The following COL14A1 variants were observed in gnomAD, a reference collection of about 807,000 sequenced individuals.
COL14A1 encodes the protein collagen type XIV alpha 1 chain.
Under a neutral mutation model 230.3 loss-of-function variants are expected in COL14A1, and 136 were observed. That is an observed-to-expected ratio of 0.59 (90% CI 0.51 to 0.68). The LOEUF (loss-of-function observed/expected upper bound fraction) is 0.68. COL14A1 is among the 30% of genes least tolerant of loss of function. The pLI is 0.00. For missense variants in COL14A1, 1,976 were observed against 2,215.8 expected, an observed-to-expected ratio of 0.89 and a Z score of 2.17; for synonymous variants, 792 against 784.1, an observed-to-expected ratio of 1.01 and a Z score of -0.17.
intron 34 of COL14A1, among the ~76,000 whole-genome samples, chr8:120,294,560 A>G (rs1820467409): frequency 7.0e-6 from 1 of 142,474 alleles, no homozygotes; most frequent in African/African-American, 2.6e-5. Context: ...TTTGAGCCAC[A>G]CTATCTTGCA....
At chr8:120,231,924 C>G (rs182037320) in intron 19 of COL14A1, 2 of 273,310 alleles carry the variant, frequency 7.3e-6, no homozygotes, top group African/African-American at 4.3e-5. Context: ...AGGCCATATG[C>G]ACTTGTGTCT....
At position 120,262,575 on chromosome 8, in the gene COL14A1, C is replaced by T. The variant is rs140480512; in HGVS notation, c.2870-293C>T. Among the ~76,000 whole-genome samples, 58 of 152,288 alleles carry T rather than the reference C, an allele frequency of 3.8e-4. No homozygotes were observed. In the East Asian group the frequency reaches 0.011, roughly 29 times the overall value. On this transcript the variant is annotated intron_variant, in intron 23 of 47. Transcript: ENST00000297848. ...TCCAAAAGATCAGTTAGGATGTGTG[C>T]ATATAATTACATGCATTAATAGTTC...
intron 4 of COL14A1, among the ~76,000 whole-genome samples, chr8:120,164,862 T>C (rs148723361): frequency 6.6e-6 from 1 of 152,344 alleles, no homozygotes; most frequent in Admixed American, 6.5e-5. Flanking sequence ...AAGATTCATC[T>C]TTCTCTAGTC....
At chr8:120,268,065 G>A (rs1404618740) in intron 25 of COL14A1, among the ~76,000 whole-genome samples, 4 of 151,842 alleles carry the variant, frequency 2.6e-5, no homozygotes, top group East Asian at 3.9e-4. Flanking sequence ...ATAAACAGAG[G>A]CAATTAAGAA....
intron 31 of COL14A1, 46 bp downstream of exon 31, chr8:120,281,105 A>G (rs776068984): frequency 5.8e-6 from 9 of 1,543,954 alleles, no homozygotes; most frequent in South Asian, 1.2e-5. Flanking sequence ...TGTTTATTAT[A>G]TCTCACTGTG....
In COL14A1 at chr8:120,137,100, T is replaced by A. The variant is rs184367704; in HGVS notation, c.-37-10706T>A. 1.2e-4 allele frequency among the ~76,000 whole-genome samples: 19 copies of A among 152,250 alleles called. No homozygotes were observed. In the East Asian group the frequency reaches 3.7e-3, roughly 29 times the overall value. On this transcript the variant is annotated intron_variant, in intron 1 of 47. Coordinates refer to ENST00000297848, the MANE Select transcript of COL14A1 (RefSeq NM_021110.4). ...AGTGAAGCCATCTGGGACTGTAATTTTCCTTGTGGAAATATTTTTTAATAA... is the reference window on the plus strand; with the variant it reads ...AGTGAAGCCATCTGGGACTGTAATTATCCTTGTGGAAATATTTTTTAATAA...
intron 35 of COL14A1, among the ~76,000 whole-genome samples, chr8:120,299,277 A>G (rs1035058500): frequency 6.6e-6 from 1 of 152,072 alleles, no homozygotes; most frequent in South Asian, 2.1e-4. Flanking sequence ...CACAACATCT[A>G]TTGCAAGCAC....
intron 1 of COL14A1, among the ~76,000 whole-genome samples, chr8:120,134,010 TA>T (rs1475614051): frequency 6.6e-6 from 1 of 151,938 alleles, no homozygotes; most frequent in Non-Finnish European, 1.5e-5. Flanking sequence ...TAACAGGAAA[TA>T]AAACATATAT....
chr8:120,280,221 A>T, intron 29 of COL14A1, 122 bp downstream of exon 29: 4 of 1,127,374 alleles, frequency 3.5e-6, no homozygotes, highest in Non-Finnish European at 5.1e-6. Context: ...ACTGCTTGTT[A>T]TATAGACATT....
intron 14 of COL14A1, 144 bp from the exon 15 acceptor site, chr8:120,224,944 T>A (rs1462670217): frequency 1.7e-5 from 11 of 653,852 alleles, no homozygotes; most frequent in Non-Finnish European, 2.5e-5. Flanking sequence ...GAAATGTTCA[T>A]ACATAAACTG....
At chr8:120,144,010 A>G (rs1470407241) in intron 1 of COL14A1, among the ~76,000 whole-genome samples, 1 of 152,132 alleles carries the variant, frequency 6.6e-6, no homozygotes, top group Admixed American at 6.5e-5. Flanking sequence ...TTGAGTTGCA[A>G]TTAGGTAACT....
chr8:120,197,342 G>C (rs750799187), intron 6 of COL14A1, among the ~76,000 whole-genome samples: 1 of 151,928 alleles, frequency 6.6e-6, no homozygotes, highest in Non-Finnish European at 1.5e-5. Flanking sequence ...TTCTAGCCCA[G>C]ATAAGAAGCA....
chr8:120,315,643 A>G (rs566594057), intron 39 of COL14A1, 57 bp downstream of exon 39: 52 of 1,352,822 alleles, frequency 3.8e-5, no homozygotes, highest in Admixed American at 3.8e-4. Context: ...GCCAAGGGGG[A>G]AAAAAAAGCT....
At chr8:120,262,378 C>T (rs777986715) in intron 23 of COL14A1, among the ~76,000 whole-genome samples, 10 of 151,944 alleles carry the variant, frequency 6.6e-5, no homozygotes, top group African/African-American at 1.5e-4. Context: ...GAGGCTGAGG[C>T]AGGCGCATTG....
intron 40 of COL14A1, among the ~76,000 whole-genome samples, chr8:120,331,801 A>AT (rs1443863907): frequency 2.0e-5 from 3 of 152,196 alleles, no homozygotes; most frequent in African/African-American, 7.2e-5. Flanking sequence ...AAAGATACTA[A>AT]TTCATCTTTT....
intron 42 of COL14A1, among the ~76,000 whole-genome samples, chr8:120,333,074 A>G (rs1225349839): frequency 6.6e-6 from 1 of 152,262 alleles, no homozygotes; most frequent in Non-Finnish European, 1.5e-5. Flanking sequence ...TGGGTTCCCA[A>G]AGGGAAAAAT....
At chr8:120,327,004 C>T (rs532773262) in intron 40 of COL14A1, among the ~76,000 whole-genome samples, 10 of 152,102 alleles carry the variant, frequency 6.6e-5, no homozygotes, top group African/African-American at 1.9e-4. Flanking sequence ...CCAGCCTGAG[C>T]GACAGAGTGA....
intron 1 of COL14A1, among the ~76,000 whole-genome samples, chr8:120,128,157 A>G (rs928959348): frequency 3.9e-4 from 59 of 152,024 alleles, no homozygotes; most frequent in Admixed American, 3.3e-4. Flanking sequence ...ACTTTTCTGT[A>G]TACACTAAGC....
intron 5 of COL14A1, among the ~76,000 whole-genome samples, chr8:120,175,489 G>A (rs965147624): frequency 1.3e-5 from 2 of 152,056 alleles, no homozygotes; most frequent in Non-Finnish European, 2.9e-5. Context: ...GGTGATATAA[G>A]GGGTGACTCT....
Sources: gnomAD v4.1 joint callset for allele counts (sites outside exome capture counted in the v4.1 genomes callset) on GRCh38, gnomAD v4.1.1 for gene constraint, MANE v1.5 for transcripts, NCBI Gene and HGNC (gene_info 2026-07-23, HGNC 2026-07-21) for gene names.